FAM149A: variants seen among roughly 807,000 people sequenced by gnomAD.
FAM149A encodes family with sequence similarity 149 member A.
Under a neutral mutation model 78.2 loss-of-function variants are expected in FAM149A, and 71 were observed. The observed-to-expected ratio is 0.91, with a 90% CI of 0.75 to 1.11. FAM149A has a LOEUF of 1.11. Ranked by LOEUF, FAM149A falls within the 50% of genes least tolerant of loss-of-function variation. The pLI is 0.00. For missense variants in FAM149A, 1,036 were observed against 971.0 expected, an observed-to-expected ratio of 1.07 and a Z score of -0.89; for synonymous variants, 446 against 410.5, an observed-to-expected ratio of 1.09 and a Z score of -1.04.
chr4:186,126,237 C>T (rs1159042587), intron 1 of FAM149A, among the ~76,000 whole-genome samples: 2 of 152,206 alleles, frequency 1.3e-5, no homozygotes, highest in Non-Finnish European at 2.9e-5. Context: ...CCCTTTCCAA[C>T]TCACATCTTC....
intron 1 of FAM149A, chr4:186,123,149 CA>C: frequency 1.2e-6 from 1 of 865,398 alleles, no homozygotes; most frequent in Non-Finnish European, 1.4e-6. Context: ...ATGTGGAGTC[CA>C]GTGTTAATCC....
intron 8 of FAM149A, 70 bp from the exon 9 acceptor site, chr4:186,162,775 A>T: frequency 1.3e-6 from 1 of 792,022 alleles, no homozygotes. Context: ...TCGGACAAGC[A>T]TCAGTCATTG....
At chr4:186,163,299 C>T (rs1013693228) in intron 9 of FAM149A, 125 bp from the exon 10 acceptor site, 11 of 697,706 alleles carry the variant, frequency 1.6e-5, no homozygotes, top group Non-Finnish European at 2.5e-5. Context: ...ATTCATTCAA[C>T]CCGTGCTTAG....
At chr4:186,157,987 G>T (rs1241087260) in intron 8 of FAM149A, 1 of 1,495,806 alleles carries the variant, frequency 6.7e-7, no homozygotes. Context: ...ACCACCCTTG[G>T]CTTCCAGATG....
chr4:186,156,148 T>C lies in FAM149A; in HGVS notation c.1378T>C (p.Leu460=). The change falls in exon 7 of 14, where the codon TTG becomes CTG. Residue 460 remains leucine, a synonymous_variant. Transcript: ENST00000389354. ...CGTCTGGACAAATATGGTAGAACTTTTGGAAGAGCTGATTAGAAAACACTG... is the reference window on the plus strand; with the variant it reads ...CGTCTGGACAAATATGGTAGAACTTCTGGAAGAGCTGATTAGAAAACACTG... The C allele has an allele frequency of 1.2e-6, 2 of 1,613,398 alleles. No homozygotes were observed. The highest frequency in any genetic ancestry group is 8.5e-7 in the Non-Finnish European group (1 of 1,179,822).
rs192277781 is a variant in FAM149A at position 186,111,287 on chromosome 4, G to A, written c.566+5645G>A. 3.4e-4 allele frequency among the ~76,000 whole-genome samples: 52 copies of A among 152,150 alleles called. No individual in the cohort carries two copies. The East Asian group carries it at 4.0e-3, about 12-fold the overall frequency. On this transcript the variant is annotated intron_variant, in intron 1 of 13. Coordinates refer to ENST00000389354, the MANE Select transcript of FAM149A (RefSeq NM_001367768.3). ...TTTGTTGGAGTTCATTGTAGATTCCGGATGTTAGTCCTTTGTCAGATGAGT... is the reference window on the plus strand; with the variant it reads ...TTTGTTGGAGTTCATTGTAGATTCCAGATGTTAGTCCTTTGTCAGATGAGT...
chr4:186,172,133 TAATCTTGA>T lies in FAM149A; in HGVS notation c.*148_*155del. ...GAGAAAAGCAAACAAATAAATCACT[TAATCTTGA>T]ACACTTTGCACTGTAAAGAGAGTGA... On this transcript the variant is annotated 3_prime_UTR_variant, in exon 14 of 14. Coordinates refer to ENST00000389354, the MANE Select transcript of FAM149A (RefSeq NM_001367768.3). 7 of 1,252,622 alleles carry T rather than the reference TAATCTTGA, an allele frequency of 5.6e-6. No individual in the cohort carries two copies. The highest frequency in any genetic ancestry group is 7.4e-6 in the Non-Finnish European group (7 of 941,832). The allele number at this position is 1,252,622 out of a possible 1,614,324, so 77.6% of individuals were successfully genotyped here. A position where few individuals can be genotyped will look rare whatever the true frequency, so the allele number is the denominator to read the frequency against.
Position 186,174,241 on chromosome 4 carries a change from C to T in FAM149A, c.*2254C>T, listed in dbSNP as rs575081724. 2.2e-4 allele frequency among the ~76,000 whole-genome samples: 24 copies of T among 110,790 alleles called. 7 individuals carry two copies. The highest frequency in any genetic ancestry group is 6.5e-4 in the African/African-American group (23 of 35,426). The allele number at this position is 110,790 out of a possible 152,430, so 72.7% of individuals were successfully genotyped here. A position where few individuals can be genotyped will look rare whatever the true frequency, so the allele number is the denominator to read the frequency against. On this transcript the variant is annotated 3_prime_UTR_variant, in exon 14 of 14. Transcript: ENST00000389354. ...TGATCCTCTCCCTCCTTCCACCCTCCACCCTTTGATAGGCCCTAGTGTGTG... is the reference window on the plus strand; with the variant it reads ...TGATCCTCTCCCTCCTTCCACCCTCTACCCTTTGATAGGCCCTAGTGTGTG...
intron 1 of FAM149A, among the ~76,000 whole-genome samples, chr4:186,112,199 T>C (rs1490739745): frequency 3.2e-3 from 484 of 149,914 alleles, no homozygotes; most frequent in African/African-American, 0.011. Flanking sequence ...TCTCTGTTTG[T>C]CTGTTATTGG....
Position 186,162,843 on chromosome 4 carries a change from A to G in FAM149A, c.1576-2A>G. Reference sequence around the variant, plus strand: ...TTTTTTTTTTTTTTTTACTGTTCTCAGATTCATCACTTCTCCAGCAGTTTT... The same window carrying G: ...TTTTTTTTTTTTTTTTACTGTTCTCGGATTCATCACTTCTCCAGCAGTTTT... On this transcript the variant is annotated splice_acceptor_variant, in intron 8 of 13. Coordinates refer to ENST00000389354, the MANE Select transcript of FAM149A (RefSeq NM_001367768.3). LOFTEE classifies it high-confidence loss of function. 1 of 1,002,288 alleles carries G rather than the reference A, an allele frequency of 1.0e-6. No homozygotes were observed. The highest frequency in any genetic ancestry group is 1.5e-6 in the Non-Finnish European group (1 of 676,912). 62.1% of individuals were successfully genotyped at this position (1,002,288 alleles called of 1,614,324 possible). A position where few individuals can be genotyped will look rare whatever the true frequency, so the allele number is the denominator to read the frequency against.
intron 1 of FAM149A, among the ~76,000 whole-genome samples, chr4:186,142,084 G>T (rs964802075): frequency 6.6e-6 from 1 of 152,126 alleles, no homozygotes; most frequent in Non-Finnish European, 1.5e-5. Context: ...AGGAAGTCTC[G>T]GTAGAAGCAA....
rs920840927 is a variant in FAM149A at position 186,172,368 on chromosome 4, G to T, written c.*381G>T. The T allele has an allele frequency of 9.1e-5, 6 of 65,946 alleles. 2 individuals are homozygous for T. The highest frequency in any genetic ancestry group is 8.9e-4 in the Admixed American group (6 of 6,736). The allele number at this position is 65,946 out of a possible 1,614,324, so 4.1% of individuals were successfully genotyped here. On this transcript the variant is annotated 3_prime_UTR_variant, in exon 14 of 14. Coordinates refer to ENST00000389354, the MANE Select transcript of FAM149A (RefSeq NM_001367768.3). ...GTCATTTGTAACTTTGTACTCTGAC[G>T]TATTTTCTAGTCTCACCCTATTAGT...
At chr4:186,111,926 T>A (rs1047904582) in intron 1 of FAM149A, among the ~76,000 whole-genome samples, 1 of 151,882 alleles carries the variant, frequency 6.6e-6, no homozygotes, top group African/African-American at 2.4e-5. Flanking sequence ...TTTCCAATTC[T>A]GTGAAGAAAG....
At chr4:186,159,911 AACAACACACACACACACAC>A (rs900600658) in intron 8 of FAM149A, among the ~76,000 whole-genome samples, 7 of 106,912 alleles carry the variant, frequency 6.5e-5, no homozygotes, top group African/African-American at 2.1e-4. Flanking sequence ...AGCCATGTCA[AACAACACACACACACACAC>A]ACCACACACA....
intron 8 of FAM149A, chr4:186,158,310 T>C (rs1734235970): frequency 1.6e-6 from 2 of 1,212,188 alleles, no homozygotes; most frequent in African/African-American, 3.2e-5. Flanking sequence ...CTAGCCCACC[T>C]CCCATTGCTC....
intron 6 of FAM149A, 61 bp from the exon 7 acceptor site, chr4:186,155,939 T>C: frequency 2.9e-6 from 4 of 1,379,398 alleles, no homozygotes; most frequent in East Asian, 2.3e-5. Context: ...TGTGTGTAGA[T>C]AGAATTATTT....
At chr4:186,167,733 G>A (rs1487405364) in intron 13 of FAM149A, 3 of 246,554 alleles carry the variant, frequency 1.2e-5, no homozygotes, top group Non-Finnish European at 2.4e-5. Context: ...CTGTTTGCAG[G>A]ATATTCTAGT....
chr4:186,153,260 G>A (rs1733754948), intron 4 of FAM149A: 2 of 978,690 alleles, frequency 2.0e-6, no homozygotes, highest in African/African-American at 3.5e-5. Context: ...TTGTATTCTT[G>A]TTATGTTTGT....
At chr4:186,153,373 C>T (rs1049135158) in intron 4 of FAM149A, 4 of 968,452 alleles carry the variant, frequency 4.1e-6, no homozygotes, top group Non-Finnish European at 4.9e-6. Context: ...CATTCATCAG[C>T]CCTGCAAGGT....
Sources: gnomAD v4.1 joint callset for allele counts (sites outside exome capture counted in the v4.1 genomes callset) on GRCh38, gnomAD v4.1.1 for gene constraint, MANE v1.5 for transcripts, NCBI Gene and HGNC (gene_info 2026-07-23, HGNC 2026-07-21) for gene names.